The following ELAVL2 variants were observed in gnomAD, a reference collection of about 807,000 sequenced individuals.
ELAVL2 encodes the protein ELAV-like protein 2.
ELAVL2 carries 4 observed loss-of-function variants against 34.6 expected under a neutral mutation model. The ratio of observed to expected loss-of-function variants is 0.12; its 90% CI spans 0.06 to 0.26. The LOEUF is 0.26. ELAVL2 is among the 10% of genes least tolerant of loss of function. ELAVL2 has a pLI of 1.00. For missense variants in ELAVL2, 432 were observed against 442.8 expected (o/e 0.98, Z 0.22); for synonymous variants, 193 against 154.8 (o/e 1.25, Z -1.83).
intron 1 of ELAVL2, among the ~76,000 whole-genome samples, chr9:23,779,908 A>T (rs1238901005): frequency 6.8e-6 from 1 of 147,026 alleles, no homozygotes; most frequent in Non-Finnish European, 1.5e-5. Flanking sequence ...CAAACCTTTA[A>T]GGTTGCAGAG....
intron 3 of ELAVL2, among the ~76,000 whole-genome samples, chr9:23,726,008 TAGAC>T (rs2045049110): frequency 6.6e-6 from 1 of 152,072 alleles, no homozygotes; most frequent in African/African-American, 2.4e-5. Context: ...TAAGGTAATT[TAGAC>T]AGAGTAAGAT....
At chr9:23,810,083 A>G (rs1052399839) in intron 1 of ELAVL2, among the ~76,000 whole-genome samples, 1 of 152,152 alleles carries the variant, frequency 6.6e-6, no homozygotes, top group Non-Finnish European at 1.5e-5. Flanking sequence ...CAGATTATCT[A>G]CTACAATGAG....
At chr9:23,834,616 G>T in the ELAVL2 span, among the ~76,000 whole-genome samples, 1 of 151,940 alleles carries the variant, frequency 6.6e-6, no homozygotes, top group African/African-American at 2.4e-5. Flanking sequence ...TTATTTGATG[G>T]AGCCAGAATT....
chr9:23,762,146 T>A lies in ELAVL2; in HGVS notation c.89A>T (p.Asp30Val). 1 of 1,613,616 alleles carries A rather than the reference T, an allele frequency of 6.2e-7. No homozygotes were observed. The highest frequency in any genetic ancestry group is 8.5e-7 in the Non-Finnish European group (1 of 1,179,636). ...TINNNCSSPV[D>V]SGNTEDSKTN... is the part of the protein sequence containing the mutation. ...CTTGCTGTCTTCTGTGTTCCCAGAG[T>A]CAACTGGTGACGAACAGTTGTTGTT... Residue 30 changes from aspartate to valine, a missense_variant, in exon 2 of 7, where the codon GAC (aspartate) becomes GTC (valine). Asp to Val is a radical substitution (Grantham distance 152). Transcript: ENST00000397312.
At chr9:23,848,446 A>T in the ELAVL2 span, among the ~76,000 whole-genome samples, 2 of 152,148 alleles carry the variant, frequency 1.3e-5, no homozygotes, top group African/African-American at 4.8e-5. Flanking sequence ...TCAAATGAAA[A>T]CTGTTTTAAG....
intron 4 of ELAVL2, among the ~76,000 whole-genome samples, chr9:23,703,100 A>ATTTGCATT (rs2038038177): frequency 6.6e-6 from 1 of 151,970 alleles, no homozygotes. Flanking sequence ...AAGCCCAATA[A>ATTTGCATT]TTTGCATTTT....
the ELAVL2 span, among the ~76,000 whole-genome samples, chr9:23,833,400 A>G: frequency 6.6e-6 from 1 of 151,996 alleles, no homozygotes; most frequent in African/African-American, 2.4e-5. Flanking sequence ...ATATGCACAC[A>G]ATGGACAGCT....
chr9:23,776,737 A>G (rs1475346326), intron 1 of ELAVL2, among the ~76,000 whole-genome samples: 1 of 128,174 alleles, frequency 7.8e-6, no homozygotes, highest in Admixed American at 8.7e-5. Context: ...ATAGTTTGCT[A>G]TCAAAAAAAA....
intron 3 of ELAVL2, among the ~76,000 whole-genome samples, chr9:23,717,562 T>C (rs2042631053): frequency 6.6e-6 from 1 of 152,244 alleles, no homozygotes; most frequent in Non-Finnish European, 1.5e-5. Flanking sequence ...CTCTGTGCTT[T>C]TGAATGAGAC....
intron 2 of ELAVL2, among the ~76,000 whole-genome samples, chr9:23,749,797 C>T (rs2051426752): frequency 6.6e-6 from 1 of 152,062 alleles, no homozygotes; most frequent in African/African-American, 2.4e-5. Flanking sequence ...CAATTTGGTC[C>T]TGCTTGCTAG....
intron 1 of ELAVL2, among the ~76,000 whole-genome samples, chr9:23,768,214 T>G (rs1194369381): frequency 6.6e-6 from 1 of 152,178 alleles, no homozygotes; most frequent in Non-Finnish European, 1.5e-5. Context: ...TTCAAGCACC[T>G]TAAGATCTGA....
At chr9:23,751,189 C>CA (rs1161779505) in intron 2 of ELAVL2, among the ~76,000 whole-genome samples, 1 of 152,004 alleles carries the variant, frequency 6.6e-6, no homozygotes, top group Non-Finnish European at 1.5e-5. Context: ...ATTTTCCCTA[C>CA]AAAATCAAAG....
At chr9:23,701,349 A>G in intron 5 of ELAVL2, 30 bp downstream of exon 5, 3 of 1,607,174 alleles carry the variant, frequency 1.9e-6, no homozygotes, top group Non-Finnish European at 2.6e-6. Flanking sequence ...TCAGTTTAGT[A>G]GCTGGGCACA....
In ELAVL2 at chr9:23,753,425, TA is replaced by T. The variant is rs146021662; in HGVS notation, c.229+8580del. Among the ~76,000 whole-genome samples, 230 of 148,998 alleles carry T rather than the reference TA, an allele frequency of 1.5e-3. 2 individuals are homozygous for T. Among genetic ancestry groups the T allele is most frequent in the South Asian group, 0.014 (65 of 4,682 alleles). On this transcript the variant is annotated intron_variant, in intron 2 of 6. Coordinates refer to ENST00000397312, the MANE Select transcript of ELAVL2 (RefSeq NM_004432.5). ...GGTCTATTCTGAATTTAAACAAAGT[TA>T]AAAAAAAAATAAAAGGCTGGTGGCC...
intron 5 of ELAVL2, among the ~76,000 whole-genome samples, chr9:23,694,867 G>A (rs572226323): frequency 5.3e-5 from 8 of 151,704 alleles, no homozygotes; most frequent in South Asian, 4.2e-4. Flanking sequence ...CTCTGTGTGC[G>A]TGGTGCGTGT....
chr9:23,837,966 C>T, the ELAVL2 span, among the ~76,000 whole-genome samples: 1 of 152,080 alleles, frequency 6.6e-6, no homozygotes, highest in Non-Finnish European at 1.5e-5. Flanking sequence ...TTGGCTGTTC[C>T]AACCAGCGGG....
rs1554663987 is a variant in ELAVL2, at chr9:23,702,974, A to AAAAAAAAAAAAAAAAC, written c.488-1371_488-1370insGTTTTTTTTTTTTTTT. Among the ~76,000 whole-genome samples the AAAAAAAAAAAAAAAAC allele has an allele frequency of 6.5e-5, 9 of 139,384 alleles. 2 individuals are homozygous for AAAAAAAAAAAAAAAAC. The highest frequency in any genetic ancestry group is 9.1e-5 in the Non-Finnish European group (6 of 66,110). The allele number at this position is 139,384 out of a possible 152,430, so 91.4% of individuals were successfully genotyped here. A position where few individuals can be genotyped will look rare whatever the true frequency, so the allele number is the denominator to read the frequency against. On this transcript the variant is annotated intron_variant, in intron 4 of 6. Transcript: ENST00000397312. The stretch of plus-strand genomic sequence containing the variant: ...AGCAAAAAAAAAAAAAAAAAAAAAA[A>AAAAAAAAAAAAAAAAC]AAAAAAACAGCCTCTACACAGCTAG...
chr9:23,731,708 G>C (rs868092972), intron 2 of ELAVL2, among the ~76,000 whole-genome samples: 1 of 152,086 alleles, frequency 6.6e-6, no homozygotes, highest in Non-Finnish European at 1.5e-5. Flanking sequence ...TCTCCAAAGA[G>C]GGTTTTATGA....
Position 23,726,056 on chromosome 9 carries a change from G to T in ELAVL2, c.333+4966C>A, listed in dbSNP as rs189359458. ...TGTAGTTCTATATTCCTATGTTAAG[G>T]GTCAAGCTCATGCTGAACAGAAAAA... On this transcript the variant is annotated intron_variant, in intron 3 of 6. Transcript: ENST00000397312. Among the ~76,000 whole-genome samples, 3 of 151,816 alleles carry T rather than the reference G, an allele frequency of 2.0e-5. No individual in the cohort carries two copies. In the East Asian group the frequency reaches 5.8e-4, roughly 29 times the overall value.
Sources: gnomAD v4.1 joint callset for allele counts (sites outside exome capture counted in the v4.1 genomes callset) on GRCh38, gnomAD v4.1.1 for gene constraint, MANE v1.5 for transcripts, NCBI Gene and HGNC (gene_info 2026-07-23, HGNC 2026-07-21) for gene names.